SEMA6D: variants seen among roughly 807,000 people sequenced by gnomAD.
SEMA6D encodes the protein semaphorin 6D, also known as semaphorin-6D.
Under a neutral mutation model 106.6 loss-of-function variants are expected in SEMA6D, and 35 were observed. The ratio of observed to expected loss-of-function variants is 0.33; its 90% CI spans 0.25 to 0.44. The LOEUF (loss-of-function observed/expected upper bound fraction) is 0.44, where lower values mean the gene tolerates loss of function less well. Among genes scored for constraint, SEMA6D ranks in the 20% least tolerant of loss-of-function variants. The pLI, the probability that SEMA6D is intolerant of heterozygous loss-of-function variation, is 1.00. For missense variants in SEMA6D, 1,185 were observed against 1,345.9 expected (o/e 0.88, Z 1.87); for synonymous variants, 499 against 487.7 (o/e 1.02, Z -0.31).
intron 2 of SEMA6D, among the ~76,000 whole-genome samples, chr15:47,444,586 C>T (rs749884754): frequency 6.6e-5 from 10 of 151,986 alleles, no homozygotes; most frequent in African/African-American, 1.2e-4. Flanking sequence ...TAGTTTATTG[C>T]GAGAGAAATA....
rs140958322 is a variant in SEMA6D, at chr15:47,256,821, T to C, written c.-239+72403T>C. Among the ~76,000 whole-genome samples, 530 of 152,140 alleles carry C rather than the reference T, an allele frequency of 3.5e-3. 5 individuals are homozygous for C. The highest frequency in any genetic ancestry group is 0.012 in the African/African-American group (501 of 41,510). On this transcript the variant is annotated intron_variant, in intron 1 of 19. Transcript: ENST00000558014. The stretch of plus-strand genomic sequence containing the variant: ...TTGCAGTGAGCTGAGATTGTGCCAT[T>C]GCACTCCAGCCTGGGTGACAAAGTG...
intron 3 of SEMA6D, among the ~76,000 whole-genome samples, chr15:47,513,708 G>T (rs1434115393): frequency 1.3e-5 from 2 of 152,302 alleles, no homozygotes; most frequent in African/African-American, 4.8e-5. Context: ...TAATGTGCGT[G>T]TGTCTGTGGT....
intron 4 of SEMA6D, among the ~76,000 whole-genome samples, chr15:47,707,214 G>A (rs1038218726): frequency 1.3e-5 from 2 of 152,130 alleles, no homozygotes; most frequent in African/African-American, 2.4e-5. Flanking sequence ...ACTGAATTGT[G>A]TTTCCCTAAG....
At chr15:47,731,662 T>C (rs1467074454) in intron 1 of SEMA6D, among the ~76,000 whole-genome samples, 1 of 152,228 alleles carries the variant, frequency 6.6e-6, no homozygotes, top group East Asian at 1.9e-4. Context: ...AAAAACTTGG[T>C]AATTATTACT....
intron 1 of SEMA6D, among the ~76,000 whole-genome samples, chr15:47,287,007 A>G (rs2035394744): frequency 6.6e-6 from 1 of 152,196 alleles, no homozygotes. Context: ...TTCCAAGCAC[A>G]TGGAAGAATG....
At chr15:47,250,174 T>G (rs1259460012) in intron 1 of SEMA6D, among the ~76,000 whole-genome samples, 1 of 152,186 alleles carries the variant, frequency 6.6e-6, no homozygotes, top group Non-Finnish European at 1.5e-5. Flanking sequence ...AACACAGGAA[T>G]GATTGTCTAT....
At chr15:47,622,602 A>G (rs1260623803) in intron 4 of SEMA6D, among the ~76,000 whole-genome samples, 2 of 152,158 alleles carry the variant, frequency 1.3e-5, no homozygotes, top group Non-Finnish European at 2.9e-5. Context: ...GGTATGAGCA[A>G]GTTACTAAGA....
At chr15:47,660,990 C>T (rs2077905848) in intron 4 of SEMA6D, among the ~76,000 whole-genome samples, 1 of 152,164 alleles carries the variant, frequency 6.6e-6, no homozygotes, top group Non-Finnish European at 1.5e-5. Flanking sequence ...GTTTTGAACC[C>T]TCAGCCACAG....
At chr15:47,462,318 G>A (rs895240802) in intron 2 of SEMA6D, among the ~76,000 whole-genome samples, 3 of 152,044 alleles carry the variant, frequency 2.0e-5, no homozygotes, top group African/African-American at 7.2e-5. Flanking sequence ...TTAACCTTTT[G>A]TGCTTTCCAC....
At chr15:47,226,895 C>A (rs2031710677) in intron 1 of SEMA6D, among the ~76,000 whole-genome samples, 1 of 152,166 alleles carries the variant, frequency 6.6e-6, no homozygotes, top group African/African-American at 2.4e-5. Context: ...CAGCTTCTTT[C>A]ATCACTTTAT....
At chr15:47,446,951 G>A (rs777013078) in intron 2 of SEMA6D, among the ~76,000 whole-genome samples, 1 of 152,098 alleles carries the variant, frequency 6.6e-6, no homozygotes, top group Non-Finnish European at 1.5e-5. Context: ...TTCTGTTTGC[G>A]TGCAGGACAA....
At chr15:47,712,439 C>G (rs952013490) in intron 4 of SEMA6D, among the ~76,000 whole-genome samples, 3 of 152,132 alleles carry the variant, frequency 2.0e-5, no homozygotes, top group Non-Finnish European at 4.4e-5. Context: ...TTAACCAAGC[C>G]TAGGTTTCTT....
At chr15:47,380,381 C>T (rs2039595894) in intron 1 of SEMA6D, 1 of 152,192 alleles carries the variant, frequency 6.6e-6, no homozygotes. Flanking sequence ...AACTCTAAGG[C>T]ACTTGCTAAG....
intron 3 of SEMA6D, among the ~76,000 whole-genome samples, chr15:47,552,078 G>A (rs536149557): frequency 1.3e-5 from 2 of 152,008 alleles, no homozygotes; most frequent in African/African-American, 2.4e-5. Flanking sequence ...TCATCACAGC[G>A]CTATGTACAA....
At chr15:47,705,108 A>G (rs1471102402) in intron 4 of SEMA6D, among the ~76,000 whole-genome samples, 3 of 152,178 alleles carry the variant, frequency 2.0e-5, no homozygotes, top group African/African-American at 4.8e-5. Context: ...TTTCTAGCAC[A>G]GTTGAAGGCA....
intron 3 of SEMA6D, among the ~76,000 whole-genome samples, chr15:47,586,890 T>TTG (rs2076350598): frequency 6.7e-6 from 1 of 149,512 alleles, no homozygotes; most frequent in African/African-American, 2.5e-5. Context: ...TTTGACAGGT[T>TTG]TTTTTTTTTT....
At chr15:47,429,291 C>T (rs2041449209) in intron 2 of SEMA6D, among the ~76,000 whole-genome samples, 1 of 152,040 alleles carries the variant, frequency 6.6e-6, no homozygotes, top group Non-Finnish European at 1.5e-5. Flanking sequence ...TTTTCCGAGT[C>T]CTCTTATACA....
intron 1 of SEMA6D, chr15:47,393,179 C>G (rs995990550): frequency 1.3e-5 from 2 of 152,164 alleles, no homozygotes; most frequent in Non-Finnish European, 2.9e-5. Context: ...AACATAATCA[C>G]AATCTTATCC....
At position 47,230,467 on chromosome 15, in the gene SEMA6D, C is replaced by T. The variant is rs74447418; in HGVS notation, c.-239+46049C>T. ...TATAGTGTCAGTTGTGTGAGAGTAA[C>T]GATTTGCCTGTGTTTCCTTCTGTCT... is the stretch of plus-strand genomic sequence containing the variant. On this transcript the variant is annotated intron_variant, in intron 1 of 19. Transcript: ENST00000558014. 1.9e-3 allele frequency among the ~76,000 whole-genome samples: 282 copies of T among 152,010 alleles called. 1 individual carries two copies. The highest frequency in any genetic ancestry group is 0.017 in the Middle Eastern group (5 of 294).
Sources: gnomAD v4.1 joint callset for allele counts (sites outside exome capture counted in the v4.1 genomes callset) on GRCh38, gnomAD v4.1.1 for gene constraint, MANE v1.5 for transcripts, NCBI Gene and HGNC (gene_info 2026-07-23, HGNC 2026-07-21) for gene names.